Variants in ZNF221 observed in about 807,000 individuals in gnomAD.
ZNF221 encodes the protein zinc finger protein 221.
Under a neutral mutation model 12.6 loss-of-function variants are expected in ZNF221, and 10 were observed. The ratio of observed to expected loss-of-function variants is 0.79; its 90% CI spans 0.49 to 1.34. The LOEUF (loss-of-function observed/expected upper bound fraction) is 1.34. Ranked by LOEUF, ZNF221 falls within the 40% of genes most tolerant of loss-of-function variation. ZNF221 has a pLI of 0.00. For missense variants in ZNF221, 661 were observed against 721.4 expected (o/e 0.92, Z 0.96); for synonymous variants, 232 against 244.0 (o/e 0.95, Z 0.46).
At chr19:43,970,396 A>G (rs1975072062), downstream of ZNF221, among the ~76,000 whole-genome samples, 1 of 152,212 alleles carries the variant, frequency 6.6e-6, no homozygotes, top group East Asian at 1.9e-4. Flanking sequence ...TAGCAAGGGT[A>G]CAGAACTGGG....
chr19:43,956,695 A>G (rs1270347826), intron 1 of ZNF221, among the ~76,000 whole-genome samples: 1 of 152,164 alleles, frequency 6.6e-6, no homozygotes, highest in East Asian at 1.9e-4. Context: ...AAATACAACA[A>G]ACTTATTTGA....
rs56887248 is a variant in ZNF221 at position 43,967,480 on chromosome 19, CTT to C, written c.*139_*140del. The C allele has an allele frequency of 0.12, 59,773 of 514,182 alleles. 13 individuals are homozygous for C. The highest frequency in any genetic ancestry group is 0.15 in the South Asian group (5,101 of 34,842). 31.9% of individuals were successfully genotyped at this position (514,182 alleles called of 1,614,324 possible). On this transcript the variant is annotated 3_prime_UTR_variant, in exon 5 of 5. Coordinates refer to ENST00000587682, the MANE Select transcript of ZNF221 (RefSeq NM_001297588.2). ...GAAGAGCTTTGTACATAGATCATAT[CTT>C]TTTTTTTTTTTTTTGAGACAGAGTC...
At chr19:43,979,422 C>CATATATATAT in the ZNF221 span, among the ~76,000 whole-genome samples, 8 of 138,536 alleles carry the variant, frequency 5.8e-5, no homozygotes, top group South Asian at 4.5e-4. Context: ...AACAGTAATA[C>CATATATATAT]ATATATATAT....
intron 1 of ZNF221, among the ~76,000 whole-genome samples, chr19:43,952,095 G>C (rs1429339417): frequency 6.6e-6 from 1 of 151,178 alleles, no homozygotes; most frequent in Non-Finnish European, 1.5e-5. Context: ...GGATGGTCTC[G>C]ATCTCCTGAC....
chr19:43,964,252 C>T (rs1784068381), intron 2 of ZNF221, among the ~76,000 whole-genome samples: 1 of 152,128 alleles, frequency 6.6e-6, no homozygotes, highest in African/African-American at 2.4e-5. Context: ...ATATTTCCTT[C>T]TTTAATCCTT....
chr19:43,961,193 G>A (rs543206829), intron 1 of ZNF221, among the ~76,000 whole-genome samples: 4 of 152,302 alleles, frequency 2.6e-5, no homozygotes, highest in African/African-American at 9.6e-5. Flanking sequence ...CTATCCTCCT[G>A]CCTCAGCCTC....
At chr19:43,959,808 TAC>T (rs1974814867) in intron 1 of ZNF221, among the ~76,000 whole-genome samples, 1 of 152,104 alleles carries the variant, frequency 6.6e-6, no homozygotes, top group South Asian at 2.1e-4. Context: ...GGTATTTTGT[TAC>T]AGTGACACAG....
chr19:43,965,195 A>G, intron 3 of ZNF221, 38 bp from the exon 4 acceptor site: 1 of 1,596,252 alleles, frequency 6.3e-7, no homozygotes, highest in Non-Finnish European at 8.5e-7. Context: ...TATTACCTAC[A>G]ATGGGTTGGA....
chr19:43,966,212 A>G lies in ZNF221; in HGVS notation c.710A>G (p.Gln237Arg), dbSNP rs547885017. 3.1e-5 allele frequency: 50 copies of G among 1,614,124 alleles called. No individual in the cohort carries two copies. Among genetic ancestry groups the G allele is most frequent in the Middle Eastern group, 1.6e-4 (1 of 6,084 alleles). Residue 237 changes from glutamine to arginine, a missense_variant, in exon 5 of 5, where the codon CAG (glutamine) becomes CGG (arginine). By Grantham distance (43) the Gln-to-Arg change is conservative (BLOSUM62 1). Transcript: ENST00000587682. ...GATGTGTGTGGTAAGGAATTTAATC[A>G]GAGCTCACATCTGCAAACTCATCAG... ...KCDVCGKEFN[Q>R]SSHLQTHQRV...
the ZNF221 span, among the ~76,000 whole-genome samples, chr19:43,980,852 A>G: frequency 2.0e-5 from 3 of 152,222 alleles, no homozygotes; most frequent in African/African-American, 7.2e-5. Flanking sequence ...CTCATCCAAG[A>G]TAAGTCTGTG....
chr19:43,976,328 A>T, the ZNF221 span, among the ~76,000 whole-genome samples: 1 of 152,104 alleles, frequency 6.6e-6, no homozygotes, highest in African/African-American at 2.4e-5. Flanking sequence ...ACTTGAGGCC[A>T]TGGGTTCGAG....
intron 1 of ZNF221, among the ~76,000 whole-genome samples, chr19:43,962,263 A>G (rs1974857143): frequency 6.6e-6 from 1 of 152,208 alleles, no homozygotes; most frequent in African/African-American, 2.4e-5. Flanking sequence ...GACCGTCATC[A>G]TAATTCAGTT....
chr19:43,976,582 C>T, the ZNF221 span, among the ~76,000 whole-genome samples: 1 of 152,114 alleles, frequency 6.6e-6, no homozygotes, highest in Non-Finnish European at 1.5e-5. Flanking sequence ...ATTTGTGATT[C>T]TGCGTTTCTG....
chr19:43,971,006 C>CA (rs1555757262), downstream of ZNF221, among the ~76,000 whole-genome samples: 1 of 152,114 alleles, frequency 6.6e-6, no homozygotes, highest in Non-Finnish European at 1.5e-5. Flanking sequence ...AAAGGGCAGT[C>CA]AGAGAGAATG....
chr19:43,966,581 A>G lies in ZNF221; in HGVS notation c.1079A>G (p.His360Arg). The change falls in exon 5 of 5, where the codon CAC (histidine) becomes CGC (arginine). Residue 360 changes from histidine (H) to arginine (R), a missense_variant. Physicochemically the swap from His to Arg is conservative, Grantham distance 29 (BLOSUM62 0). Transcript: ENST00000587682. The stretch of plus-strand genomic sequence containing the variant: ...GCACTTAATAGTCATTCCATGGTCC[A>G]CATAGAAGAGAAGCCATACAAATGT... The part of the protein sequence containing the change: ...RSALNSHSMV[H>R]IEEKPYKCEQ... 6.2e-7 allele frequency: 1 copy of G among 1,614,236 alleles called. No homozygotes were observed. Among genetic ancestry groups the G allele is most frequent in the Admixed American group, 1.7e-5 (1 of 60,030 alleles).
the ZNF221 span, among the ~76,000 whole-genome samples, chr19:43,975,337 A>G: frequency 6.6e-6 from 1 of 152,236 alleles, no homozygotes; most frequent in African/African-American, 2.4e-5. Context: ...AAAATGTCAT[A>G]CATATAGACC....
chr19:43,979,985 G>A, the ZNF221 span, among the ~76,000 whole-genome samples: 1 of 152,126 alleles, frequency 6.6e-6, no homozygotes, highest in South Asian at 2.1e-4. Flanking sequence ...ACCTATAGAA[G>A]GCATGATTCT....
At chr19:43,968,339 C>T (rs979718132), downstream of ZNF221, among the ~76,000 whole-genome samples, 3 of 152,164 alleles carry the variant, frequency 2.0e-5, no homozygotes, top group Non-Finnish European at 4.4e-5. Context: ...CAGGCATTTA[C>T]AAATCTCTAA....
At chr19:43,954,299 G>C (rs1237021531) in intron 1 of ZNF221, among the ~76,000 whole-genome samples, 1 of 152,114 alleles carries the variant, frequency 6.6e-6, no homozygotes, top group Non-Finnish European at 1.5e-5. Context: ...CTAAGAGACA[G>C]TGTCATCTTA....
Sources: gnomAD v4.1 joint callset for allele counts (sites outside exome capture counted in the v4.1 genomes callset) on GRCh38, gnomAD v4.1.1 for gene constraint, MANE v1.5 for transcripts, NCBI Gene and HGNC (gene_info 2026-07-23, HGNC 2026-07-21) for gene names.